The following DNMBP variants were observed in gnomAD, a reference collection of about 807,000 sequenced individuals.
DNMBP encodes dynamin binding protein.
In DNMBP, 87 loss-of-function variants were observed where a neutral mutation model predicts 150.0. The ratio of observed to expected loss-of-function variants is 0.58; its 90% CI spans 0.49 to 0.69. The LOEUF is 0.69. Among genes scored for constraint, DNMBP ranks in the 30% least tolerant of loss-of-function variants. DNMBP has a pLI of 0.00. For synonymous variants in DNMBP, 711 were observed against 750.4 expected (o/e 0.95, Z 0.86); for missense variants, 1,774 against 1,949.0 (o/e 0.91, Z 1.69).
chr10:99,997,927 CAAAAAAAAAAAAA>C (rs71009798), intron 1 of DNMBP, among the ~76,000 whole-genome samples: 1 of 22,326 alleles, frequency 4.5e-5, no homozygotes, highest in Non-Finnish European at 8.0e-5. Context: ...GACTCTGTCT[CAAAAAAAAAAAAA>C]AAAAAAAAAA....
chr10:99,902,065 A>AT (rs35584906), intron 6 of DNMBP, among the ~76,000 whole-genome samples: 1 of 151,552 alleles, frequency 6.6e-6, no homozygotes, highest in Admixed American at 6.6e-5. Flanking sequence ...TAATTTTTGC[A>AT]TTTTTTGGTA....
Position 99,967,976 on chromosome 10 carries a change from T to C in DNMBP, c.268+1139A>G, listed in dbSNP as rs574301464. Among the ~76,000 whole-genome samples, 22 of 152,292 alleles carry C rather than the reference T, an allele frequency of 1.4e-4. No homozygotes were observed. In the East Asian group the frequency reaches 4.2e-3, roughly 29 times the overall value. On this transcript the variant is annotated intron_variant, in intron 3 of 16. Coordinates refer to ENST00000324109, the MANE Select transcript of DNMBP (RefSeq NM_015221.4). ...AAATACTTGGAAAATCACTGAGAGA[T>C]AGCTATGACTACCTGTTTTAATTTA...
intron 4 of DNMBP, among the ~76,000 whole-genome samples, chr10:99,911,862 C>A (rs910350629): frequency 6.6e-6 from 1 of 152,152 alleles, no homozygotes; most frequent in Non-Finnish European, 1.5e-5. Flanking sequence ...TTCTAATAGG[C>A]TTGTTTTAAA....
At chr10:99,889,028 A>T (rs2133206779) in intron 11 of DNMBP, 75 bp from the exon 12 acceptor site, 2 of 1,521,282 alleles carry the variant, frequency 1.3e-6, no homozygotes, top group Non-Finnish European at 1.8e-6. Context: ...CCAAGACTGA[A>T]TAGCAGTCTT....
intron 4 of DNMBP, among the ~76,000 whole-genome samples, chr10:99,925,045 A>G (rs2040062952): frequency 6.6e-6 from 1 of 152,152 alleles, no homozygotes. Context: ...TCCCGAGTCC[A>G]TATCCTCTCT....
intron 4 of DNMBP, among the ~76,000 whole-genome samples, chr10:99,925,580 T>A (rs997809810): frequency 2.0e-5 from 3 of 152,072 alleles, no homozygotes; most frequent in Non-Finnish European, 4.4e-5. Flanking sequence ...CATGCCCAGC[T>A]AATTTTTGTA....
chr10:99,966,040 T>G (rs2040615958), intron 3 of DNMBP, among the ~76,000 whole-genome samples: 1 of 152,250 alleles, frequency 6.6e-6, no homozygotes, highest in Non-Finnish European at 1.5e-5. Flanking sequence ...CCTGTTGATG[T>G]GACTTGTCAC....
chr10:99,936,458 T>C, intron 4 of DNMBP, among the ~76,000 whole-genome samples: 1 of 152,004 alleles, frequency 6.6e-6, no homozygotes, highest in Non-Finnish European at 1.5e-5. Flanking sequence ...GATTGAACAT[T>C]CATTGCCCAT....
In DNMBP at chr10:99,896,805, C is replaced by T. The variant is rs74155726; in HGVS notation, c.2921-408G>A. Among the ~76,000 whole-genome samples the T allele has an allele frequency of 1.2e-3, 184 of 152,308 alleles. 1 individual carries two copies. Among genetic ancestry groups the T allele is most frequent in the African/African-American group, 4.3e-3 (177 of 41,576 alleles). On this transcript the variant is annotated intron_variant, in intron 9 of 16. Transcript: ENST00000324109. The stretch of plus-strand genomic sequence containing the variant: ...CACAAATGAGATATTGATATCCAAT[C>T]GTCTCCCATAGTAAAATGCTATACA...
intron 4 of DNMBP, chr10:99,914,139 G>A (rs1589415282): frequency 1.5e-6 from 2 of 1,310,108 alleles, no homozygotes; most frequent in East Asian, 6.1e-5. Flanking sequence ...TCACAGCAGG[G>A]CTTGTCCTAA....
At chr10:99,996,125 A>G (rs2040948773) in intron 1 of DNMBP, among the ~76,000 whole-genome samples, 1 of 152,234 alleles carries the variant, frequency 6.6e-6, no homozygotes, top group Non-Finnish European at 1.5e-5. Flanking sequence ...AATAATAATT[A>G]TATTTTAATT....
chr10:99,993,780 G>A, intron 1 of DNMBP, among the ~76,000 whole-genome samples: 1 of 152,050 alleles, frequency 6.6e-6, no homozygotes, highest in Admixed American at 6.6e-5. Flanking sequence ...TCCAGCCTGG[G>A]CAACAAAGCA....
rs2133331848 is a variant in DNMBP at position 99,956,163 on chromosome 10, G to A, written c.1311C>T (p.His437=). 6.2e-6 allele frequency: 10 copies of A among 1,614,112 alleles called. No individual in the cohort carries two copies. The highest frequency in any genetic ancestry group is 6.8e-6 in the Non-Finnish European group (8 of 1,180,012). The change falls in exon 4 of 17, where the codon CAC becomes CAT. Residue 437 remains histidine, a synonymous_variant. Transcript: ENST00000324109. Reference sequence around the variant, plus strand: ...GGTCGGGGTACTGTTCTGAGTGCGGGTGGCTCCCTCCCACTGTAGAATAAT... The same window carrying A: ...GGTCGGGGTACTGTTCTGAGTGCGGATGGCTCCCTCCCACTGTAGAATAAT... ...SQYYSTVGGS[H]PHSEQYPDLL... is the part of the protein sequence containing the mutation.
At chr10:99,925,448 C>T (rs1318446275) in intron 4 of DNMBP, among the ~76,000 whole-genome samples, 1 of 152,088 alleles carries the variant, frequency 6.6e-6, no homozygotes, top group Admixed American at 6.6e-5. Context: ...CACAGTTTCA[C>T]TCTGTCGCCC....
At chr10:99,886,953 G>A (rs1479481379) in intron 12 of DNMBP, among the ~76,000 whole-genome samples, 1 of 152,138 alleles carries the variant, frequency 6.6e-6, no homozygotes, top group Non-Finnish European at 1.5e-5. Context: ...GAAACCAGCC[G>A]TGAAGTTTAC....
In DNMBP at chr10:99,879,979, A is replaced by C; in HGVS notation, c.4380T>G (p.Thr1460=). ...AGTTCCGGTAGCTCCTCGGCGTGGC[A>C]GTGGGTTGCTTTACATCTCTAGCTA... is the stretch of plus-strand genomic sequence containing the variant. ...ADVARDVKQP[T]ATPRSYRNFR... Residue 1460 remains threonine (T), a synonymous_variant, in exon 16 of 17, where the codon ACT becomes ACG. Coordinates refer to ENST00000324109, the MANE Select transcript of DNMBP (RefSeq NM_015221.4). 6.2e-7 allele frequency: 1 copy of C among 1,614,206 alleles called. No homozygotes were observed. The highest frequency in any genetic ancestry group is 1.6e-4 in the Middle Eastern group (1 of 6,062).
intron 3 of DNMBP, among the ~76,000 whole-genome samples, chr10:99,965,691 T>C (rs1216631735): frequency 6.6e-6 from 1 of 152,096 alleles, no homozygotes; most frequent in Admixed American, 6.6e-5. Flanking sequence ...AAGATGGGGT[T>C]TCACCATGTT....
intron 4 of DNMBP, among the ~76,000 whole-genome samples, chr10:99,953,595 G>A (rs1312806904): frequency 6.6e-6 from 1 of 152,096 alleles, no homozygotes; most frequent in African/African-American, 2.4e-5. Context: ...CAAGGTGGGT[G>A]GATCACTCGA....
chr10:99,947,994 G>C (rs1393151748), intron 4 of DNMBP, among the ~76,000 whole-genome samples: 1 of 152,120 alleles, frequency 6.6e-6, no homozygotes, highest in East Asian at 1.9e-4. Context: ...ATTTAAGAAT[G>C]TTTTTACGAT....
Sources: gnomAD v4.1 joint callset for allele counts (sites outside exome capture counted in the v4.1 genomes callset) on GRCh38, gnomAD v4.1.1 for gene constraint, MANE v1.5 for transcripts, NCBI Gene and HGNC (gene_info 2026-07-23, HGNC 2026-07-21) for gene names.